Variants in USP7 observed in about 807,000 individuals in gnomAD.
The protein encoded by USP7 is ubiquitin C-terminal hydrolase 7.
A neutral mutation model predicts 162.9 loss-of-function variants in USP7; 9 were observed. The ratio of observed to expected loss-of-function variants is 0.06; its 90% confidence interval spans 0.03 to 0.10. USP7 has a LOEUF of 0.10. Among genes scored for constraint, USP7 ranks in the 10% least tolerant of loss-of-function variants. USP7 has a pLI of 1.00. For missense variants in USP7, 715 were observed against 1,373.7 expected (o/e 0.52, Z 7.58); for synonymous variants, 562 against 475.9 (o/e 1.18, Z -2.35).
At position 8,894,431 on chromosome 16, in the gene USP7, G is replaced by T. The variant is rs2061650244; in HGVS notation, c.3202+119C>A. On this transcript the variant is annotated intron_variant, in intron 30 of 30. Coordinates refer to ENST00000344836, the MANE Select transcript of USP7 (RefSeq NM_003470.3). ...AATGCTATTGCTCCTGGTTCCACAG[G>T]TCGGCCAGTGGAGAGAGAGGAGCTG... is the stretch of plus-strand genomic sequence containing the variant. 5.4e-6 allele frequency: 5 copies of T among 926,008 alleles called. No homozygotes were observed. The Admixed American group carries it at 1.1e-4, about 20-fold the overall frequency. 57.4% of individuals were successfully genotyped at this position (926,008 alleles called of 1,614,324 possible).
intron 25 of USP7, among the ~76,000 whole-genome samples, chr16:8,897,548 G>A (rs1210529917): frequency 2.0e-5 from 3 of 151,264 alleles, no homozygotes; most frequent in Non-Finnish European, 4.4e-5. Flanking sequence ...TAGAAAGGGT[G>A]AGAGATCTAG....
In USP7 at chr16:8,963,317, G is replaced by A; in HGVS notation, c.-32C>T. On this transcript the variant is annotated 5_prime_UTR_variant, in exon 1 of 31. Transcript: ENST00000344836. ...CGCGGCCTGGGCCTCGCCTGCGGCC[G>A]GGGGCCGGGGCTGCGAGCCCGGCGG... 4 of 974,210 alleles carry A rather than the reference G, an allele frequency of 4.1e-6. No homozygotes were observed. Among genetic ancestry groups the A allele is most frequent in the Non-Finnish European group, 5.0e-6 (4 of 792,866 alleles). 60.3% of individuals were successfully genotyped at this position (974,210 alleles called of 1,614,324 possible).
At chr16:8,946,934 T>C (rs1187930056) in intron 1 of USP7, among the ~76,000 whole-genome samples, 1 of 152,238 alleles carries the variant, frequency 6.6e-6, no homozygotes, top group African/African-American at 2.4e-5. Flanking sequence ...AAACGGCCAA[T>C]AAATGCAACT....
chr16:8,918,246 CAGCCAGCT>C (rs1005717174), intron 6 of USP7, among the ~76,000 whole-genome samples: 1 of 152,202 alleles, frequency 6.6e-6, no homozygotes, highest in Non-Finnish European at 1.5e-5. Context: ...GATGACAAGC[CAGCCAGCT>C]CCCTGCCCAC....
At chr16:8,924,281 C>G (rs1897871285) in intron 2 of USP7, among the ~76,000 whole-genome samples, 1 of 152,262 alleles carries the variant, frequency 6.6e-6, no homozygotes, top group African/African-American at 2.4e-5. Context: ...CTCCCACACC[C>G]ACACCAATCT....
chr16:8,899,382 G>C (rs2061740143), intron 22 of USP7, 194 bp from the exon 23 acceptor site: 1 of 765,536 alleles, frequency 1.3e-6, no homozygotes, highest in Non-Finnish European at 2.1e-6. Flanking sequence ...GATAACTTTG[G>C]AAAGGGTTTT....
chr16:8,923,443 A>G, intron 2 of USP7, 30 bp from the exon 3 acceptor site: 1 of 1,611,410 alleles, frequency 6.2e-7, no homozygotes, highest in Non-Finnish European at 8.5e-7. Flanking sequence ...TCAGTCACAG[A>G]GCCTGTGCAT....
At chr16:8,897,440 G>C (rs923626037) in intron 25 of USP7, among the ~76,000 whole-genome samples, 3 of 152,066 alleles carry the variant, frequency 2.0e-5, no homozygotes, top group Non-Finnish European at 4.4e-5. Flanking sequence ...TGCTGGTCCA[G>C]ATACAAGACC....
Position 8,893,874 on chromosome 16 carries a change from A to G in USP7, c.*124T>C. The G allele has an allele frequency of 2.4e-6, 2 of 826,050 alleles. No individual in the cohort carries two copies. The highest frequency in any genetic ancestry group is 4.0e-6 in the Non-Finnish European group (2 of 495,736). 51.2% of individuals were successfully genotyped at this position (826,050 alleles called of 1,614,324 possible). On this transcript the variant is annotated 3_prime_UTR_variant, in exon 31 of 31. Transcript: ENST00000344836. ...CAAACTGAACAGCCTCAATAAAATAAAATTAACACCAGCAGCGAATCCTCT... is the reference window on the plus strand; with the variant it reads ...CAAACTGAACAGCCTCAATAAAATAGAATTAACACCAGCAGCGAATCCTCT...
At chr16:8,933,408 C>A (rs1251211356) in intron 1 of USP7, among the ~76,000 whole-genome samples, 2 of 152,104 alleles carry the variant, frequency 1.3e-5, no homozygotes, top group Non-Finnish European at 2.9e-5. Flanking sequence ...ATTCAGGTAC[C>A]AAGCGATATG....
intron 1 of USP7, among the ~76,000 whole-genome samples, chr16:8,945,423 C>T (rs1899233583): frequency 6.6e-6 from 1 of 152,126 alleles, no homozygotes; most frequent in African/African-American, 2.4e-5. Context: ...ACTAGTTGTC[C>T]AGAGAGTAGC....
chr16:8,940,575 G>A (rs775380424), intron 1 of USP7, among the ~76,000 whole-genome samples: 4 of 152,196 alleles, frequency 2.6e-5, no homozygotes, highest in African/African-American at 4.8e-5. Context: ...GAAAGGGAGA[G>A]GTGGGAGCCT....
At chr16:8,896,848 A>G in intron 26 of USP7, 151 bp downstream of exon 26, 1 of 720,750 alleles carries the variant, frequency 1.4e-6, no homozygotes, top group East Asian at 2.5e-5. Context: ...GCTTCTGTGC[A>G]ACTGTCTTTG....
At chr16:8,937,103 G>C (rs1186017148) in intron 1 of USP7, among the ~76,000 whole-genome samples, 2 of 152,176 alleles carry the variant, frequency 1.3e-5, no homozygotes, top group Non-Finnish European at 2.9e-5. Flanking sequence ...ATTGATGTAA[G>C]TGAAAAATTT....
At chr16:8,932,974 CT>C (rs1898459726) in intron 1 of USP7, among the ~76,000 whole-genome samples, 1 of 151,406 alleles carries the variant, frequency 6.6e-6, no homozygotes, top group Non-Finnish European at 1.5e-5. Flanking sequence ...TGGAGTTTCG[CT>C]CGTTGCCCAG....
chr16:8,920,350 A>G lies in USP7; in HGVS notation c.611+9T>C. ...ATTTTTAACAGCACCTGATTAAAGAAAAACTTACGCAACTCCATGGGGAGC... is the reference window on the plus strand; with the variant it reads ...ATTTTTAACAGCACCTGATTAAAGAGAAACTTACGCAACTCCATGGGGAGC... On this transcript the variant is annotated intron_variant, in intron 5 of 30. Transcript: ENST00000344836. 6.2e-7 allele frequency: 1 copy of G among 1,603,794 alleles called. No homozygotes were observed. Among genetic ancestry groups the G allele is most frequent in the South Asian group, 1.1e-5 (1 of 88,712 alleles).
intron 1 of USP7, among the ~76,000 whole-genome samples, chr16:8,954,579 T>C (rs890246176): frequency 1.3e-5 from 2 of 152,244 alleles, no homozygotes; most frequent in Admixed American, 6.5e-5. Context: ...TGTAAGTTTA[T>C]AGGATGTATT....
intron 23 of USP7, 139 bp from the exon 24 acceptor site, chr16:8,898,778 C>A: frequency 1.5e-6 from 1 of 677,768 alleles, no homozygotes; most frequent in East Asian, 2.7e-5. Flanking sequence ...TAACTTAATA[C>A]TCCTGTTTCC....
intron 1 of USP7, among the ~76,000 whole-genome samples, chr16:8,943,747 T>A (rs140495897): frequency 5.6e-4 from 86 of 152,322 alleles, no homozygotes; most frequent in African/African-American, 2.0e-3. Context: ...AATCAAAATG[T>A]TGAATGTCCT....
Sources: allele counts gnomAD v4.1 joint callset (sites outside exome capture counted in the v4.1 genomes callset), GRCh38; gene constraint gnomAD v4.1.1; transcripts MANE v1.5; gene names NCBI Gene and HGNC (gene_info 2026-07-23, HGNC 2026-07-21).